The following PLD5 variants were observed in gnomAD, a reference collection of about 807,000 sequenced individuals.
PLD5 encodes phospholipase D family member 5.
Under a neutral mutation model 61.1 loss-of-function variants are expected in PLD5, and 36 were observed. The observed-to-expected ratio is 0.59, with a 90% confidence interval of 0.45 to 0.78. PLD5 has a LOEUF of 0.78. PLD5 is among the 30% of genes least tolerant of loss of function. The pLI is 0.00. For missense variants in PLD5, 515 were observed against 644.4 expected (o/e 0.80, Z 2.17); for synonymous variants, 243 against 242.8 (o/e 1.00, Z -0.01).
At chr1:242,477,493 T>C (rs1667631996) in intron 1 of PLD5, among the ~76,000 whole-genome samples, 1 of 152,186 alleles carries the variant, frequency 6.6e-6, no homozygotes, top group Admixed American at 6.5e-5. Context: ...CCGATAACTT[T>C]GGGGAAGCAC....
chr1:242,089,225 G>T lies in PLD5; in HGVS notation c.*629C>A. ...TATCATAGTTAGAAGTAATGTTGAG[G>T]TGAATACAGAAAATGCTATATAATA... On this transcript the variant is annotated 3_prime_UTR_variant, in exon 10 of 10. Coordinates refer to ENST00000536534, the MANE Select transcript of PLD5 (RefSeq NM_001372062.1). 1 of 398,184 alleles carries T rather than the reference G, an allele frequency of 2.5e-6. No individual in the cohort carries two copies. The highest frequency in any genetic ancestry group is 4.4e-6 in the Non-Finnish European group (1 of 225,916). The allele number at this position is 398,184 out of a possible 1,614,324, so 24.7% of individuals were successfully genotyped here. A position where few individuals can be genotyped will look rare whatever the true frequency, so the allele number is the denominator to read the frequency against.
intron 2 of PLD5, among the ~76,000 whole-genome samples, chr1:242,297,681 G>A (rs1365378628): frequency 1.4e-4 from 19 of 140,550 alleles, no homozygotes; most frequent in East Asian, 8.4e-4. Flanking sequence ...CGCCCAGGCC[G>A]GACTGCGGAC....
intron 9 of PLD5, among the ~76,000 whole-genome samples, chr1:242,096,001 C>A (rs1389849963): frequency 6.6e-6 from 1 of 152,098 alleles, no homozygotes; most frequent in East Asian, 1.9e-4. Context: ...CTCTGTCACC[C>A]AGGCTGGAGT....
At chr1:242,524,887 C>T (rs1376308713), upstream of PLD5, among the ~76,000 whole-genome samples, 1 of 151,958 alleles carries the variant, frequency 6.6e-6, no homozygotes, top group East Asian at 2.0e-4. Flanking sequence ...GCAGGCTACA[C>T]CTCTCCCTGG....
chr1:242,286,645 A>G (rs1426173461), intron 3 of PLD5, among the ~76,000 whole-genome samples: 1 of 152,186 alleles, frequency 6.6e-6, no homozygotes, highest in Non-Finnish European at 1.5e-5. Flanking sequence ...CCTCAAATTT[A>G]TCATTCTTTG....
At chr1:242,345,632 G>A (rs1660086985) in intron 2 of PLD5, 7 of 1,030,390 alleles carry the variant, frequency 6.8e-6, no homozygotes, top group Non-Finnish European at 1.1e-5. Flanking sequence ...ATGACTTTCA[G>A]AAGGATTCTG....
chr1:242,433,741 G>T (rs1572142692), intron 1 of PLD5, among the ~76,000 whole-genome samples: 1 of 152,158 alleles, frequency 6.6e-6, no homozygotes, highest in East Asian at 1.9e-4. Flanking sequence ...AGCAGGGTAT[G>T]GGGAGGGGGA....
chr1:242,232,746 G>A (rs1671388120), intron 4 of PLD5, among the ~76,000 whole-genome samples: 1 of 152,148 alleles, frequency 6.6e-6, no homozygotes. Flanking sequence ...AGGAAGCTGA[G>A]GTAGGAGACT....
At chr1:242,254,915 G>A (rs1175285313) in intron 4 of PLD5, among the ~76,000 whole-genome samples, 1 of 152,230 alleles carries the variant, frequency 6.6e-6, no homozygotes, top group Non-Finnish European at 1.5e-5. Context: ...AAGAAAGGTG[G>A]AAGACAGAAT....
chr1:242,203,400 C>T (rs1669110225), intron 5 of PLD5, among the ~76,000 whole-genome samples: 1 of 152,202 alleles, frequency 6.6e-6, no homozygotes, highest in Admixed American at 6.5e-5. Context: ...CTTGCTAGAG[C>T]AAGCTCTGGA....
At chr1:242,107,075 AGAC>A (rs1279257868) in intron 8 of PLD5, among the ~76,000 whole-genome samples, 2 of 152,190 alleles carry the variant, frequency 1.3e-5, no homozygotes, top group Admixed American at 6.5e-5. Context: ...ATGGGGACCC[AGAC>A]GACGAGGCAT....
chr1:242,482,864 C>A (rs945150742), intron 1 of PLD5, among the ~76,000 whole-genome samples: 3 of 152,196 alleles, frequency 2.0e-5, no homozygotes, highest in African/African-American at 7.2e-5. Context: ...GATCTCTCGG[C>A]AGAAACTCTA....
intron 1 of PLD5, among the ~76,000 whole-genome samples, chr1:242,394,304 GTA>G (rs796894021): frequency 1.3e-5 from 1 of 74,242 alleles, no homozygotes. Flanking sequence ...ATATATATGA[GTA>G]TATATGTGTG....
At chr1:242,427,181 A>G (rs1231145417) in intron 1 of PLD5, among the ~76,000 whole-genome samples, 1 of 152,222 alleles carries the variant, frequency 6.6e-6, no homozygotes, top group Non-Finnish European at 1.5e-5. Context: ...AATTACCTTG[A>G]TCAACACATA....
intron 1 of PLD5, among the ~76,000 whole-genome samples, chr1:242,481,393 C>T (rs781626340): frequency 5.3e-5 from 8 of 152,170 alleles, no homozygotes; most frequent in African/African-American, 9.7e-5. Flanking sequence ...TCTTAGCAAA[C>T]GGCACACCAG....
chr1:242,408,723 T>C (rs1258902958), intron 1 of PLD5, among the ~76,000 whole-genome samples: 1 of 152,134 alleles, frequency 6.6e-6, no homozygotes, highest in Non-Finnish European at 1.5e-5. Context: ...CAGTCTCAGG[T>C]ATTCCTTTAT....
intron 1 of PLD5, among the ~76,000 whole-genome samples, chr1:242,447,220 T>A (rs1031225444): frequency 6.6e-6 from 1 of 152,220 alleles, no homozygotes; most frequent in Admixed American, 6.5e-5. Flanking sequence ...TAAATAAAAT[T>A]TAAAAAGTAA....
chr1:242,224,933 T>A (rs1244573863), intron 4 of PLD5, among the ~76,000 whole-genome samples: 4 of 152,192 alleles, frequency 2.6e-5, no homozygotes, highest in Non-Finnish European at 5.9e-5. Flanking sequence ...TGCAAAACAG[T>A]GTCATCGTCC....
chr1:242,201,395 A>G (rs185111525), intron 5 of PLD5, among the ~76,000 whole-genome samples: 50 of 152,374 alleles, frequency 3.3e-4, no homozygotes, highest in African/African-American at 1.2e-3. Context: ...AAAGCCAAGA[A>G]GTAACAAAAA....
Sources: gnomAD v4.1 joint callset for allele counts (sites outside exome capture counted in the v4.1 genomes callset) on GRCh38, gnomAD v4.1.1 for gene constraint, MANE v1.5 for transcripts, NCBI Gene and HGNC (gene_info 2026-07-23, HGNC 2026-07-21) for gene names.